Variants in MARCHF1 observed in about 807,000 individuals in gnomAD.
MARCHF1 encodes the protein E3 ubiquitin-protein ligase MARCHF1.
A neutral mutation model predicts 54.2 loss-of-function variants in MARCHF1; 40 were observed. The observed-to-expected ratio is 0.74, with a 90% CI of 0.57 to 0.96. MARCHF1 has a LOEUF of 0.96. Among genes scored for constraint, MARCHF1 ranks in the 40% least tolerant of loss-of-function variants. The pLI, the probability that MARCHF1 is intolerant of heterozygous loss-of-function variation, is 0.00. For missense variants in MARCHF1, 586 were observed against 656.5 expected, an observed-to-expected ratio of 0.89 and a Z score of 1.17; for synonymous variants, 236 against 236.3, an observed-to-expected ratio of 1.00 and a Z score of 0.01.
chr4:164,346,638 A>G (rs1455037752), intron 1 of MARCHF1, among the ~76,000 whole-genome samples: 543 of 30,160 alleles, frequency 0.018, 36 homozygotes, highest in African/African-American at 0.041. Flanking sequence ...ATATATATAT[A>G]TATATATATA....
intron 4 of MARCHF1, among the ~76,000 whole-genome samples, chr4:163,785,478 A>T (rs1428817687): frequency 1.3e-5 from 2 of 151,984 alleles, no homozygotes; most frequent in Non-Finnish European, 2.9e-5. Flanking sequence ...TTTTGTTCCC[A>T]TGTAGCCAGA....
At chr4:163,778,048 A>C (rs1747354511) in intron 4 of MARCHF1, among the ~76,000 whole-genome samples, 1 of 152,194 alleles carries the variant, frequency 6.6e-6, no homozygotes, top group South Asian at 2.1e-4. Context: ...TGTTCTTCCA[A>C]TTAACGTAGT....
At chr4:163,649,368 T>C (rs1221770506) in intron 5 of MARCHF1, among the ~76,000 whole-genome samples, 1 of 152,072 alleles carries the variant, frequency 6.6e-6, no homozygotes, top group African/African-American at 2.4e-5. Context: ...GAGCAATTCA[T>C]AGGCAGAGAG....
intron 7 of MARCHF1, among the ~76,000 whole-genome samples, chr4:163,595,454 T>C (rs1579095310): frequency 1.3e-5 from 1 of 79,470 alleles, no homozygotes; most frequent in South Asian, 4.0e-4. Context: ...GAGATTGCAG[T>C]TGCAGTGAGC....
intron 3 of MARCHF1, among the ~76,000 whole-genome samples, chr4:163,860,473 T>G (rs1402651110): frequency 1.3e-5 from 2 of 152,178 alleles, no homozygotes; most frequent in African/African-American, 4.8e-5. Context: ...GAAAATATCT[T>G]GCAGAGGTTT....
intron 1 of MARCHF1, among the ~76,000 whole-genome samples, chr4:164,239,955 A>G (rs1333569945): frequency 6.6e-6 from 1 of 152,214 alleles, no homozygotes; most frequent in African/African-American, 2.4e-5. Context: ...TACATGCTTA[A>G]GTAGAGTAAG....
intron 3 of MARCHF1, among the ~76,000 whole-genome samples, chr4:163,898,083 A>T (rs1324919497): frequency 7.0e-6 from 1 of 143,760 alleles, no homozygotes; most frequent in Non-Finnish European, 1.5e-5. Context: ...AAAAAAAAAA[A>T]AATCCTTGAA....
chr4:163,888,758 C>G (rs935221029), intron 3 of MARCHF1, among the ~76,000 whole-genome samples: 1 of 152,102 alleles, frequency 6.6e-6, no homozygotes, highest in Non-Finnish European at 1.5e-5. Flanking sequence ...ATCAAGACAA[C>G]CCCTCTGAAG....
intron 4 of MARCHF1, among the ~76,000 whole-genome samples, chr4:163,777,374 T>TA (rs2110890586): frequency 6.6e-6 from 1 of 152,316 alleles, no homozygotes; most frequent in South Asian, 2.1e-4. Context: ...TATCTATTTT[T>TA]ATCTCAGATG....
intron 4 of MARCHF1, among the ~76,000 whole-genome samples, chr4:163,844,840 A>T (rs1264490076): frequency 7.9e-5 from 12 of 152,212 alleles, no homozygotes; most frequent in Admixed American, 7.2e-4. Context: ...CTGGTGGTTG[A>T]TAATGGACTT....
intron 1 of MARCHF1, among the ~76,000 whole-genome samples, chr4:164,281,696 A>G (rs753737433): frequency 3.9e-5 from 6 of 152,166 alleles, no homozygotes; most frequent in Non-Finnish European, 8.8e-5. Flanking sequence ...AAGAACCTGA[A>G]TAACACATTA....
At chr4:164,301,007 C>T (rs1480118740) in intron 1 of MARCHF1, among the ~76,000 whole-genome samples, 1 of 36,328 alleles carries the variant, frequency 2.8e-5, no homozygotes, top group East Asian at 4.1e-3. Flanking sequence ...CACAAACACA[C>T]AGCATGTTTA....
At chr4:164,267,178 G>A (rs1288501140) in intron 1 of MARCHF1, among the ~76,000 whole-genome samples, 1 of 152,130 alleles carries the variant, frequency 6.6e-6, no homozygotes, top group Non-Finnish European at 1.5e-5. Context: ...CACATTTGAA[G>A]GCCTGAATAA....
chr4:163,879,993 T>C (rs936782674), intron 3 of MARCHF1, among the ~76,000 whole-genome samples: 22 of 152,244 alleles, frequency 1.4e-4, no homozygotes, highest in African/African-American at 4.8e-4. Flanking sequence ...CAGCTGCCCA[T>C]GATGGCTAAG....
At chr4:163,966,183 A>G (rs1752440386) in intron 3 of MARCHF1, among the ~76,000 whole-genome samples, 1 of 152,042 alleles carries the variant, frequency 6.6e-6, no homozygotes, top group South Asian at 2.1e-4. Flanking sequence ...CAATCTTACC[A>G]TTTATAAACT....
intron 3 of MARCHF1, among the ~76,000 whole-genome samples, chr4:163,957,201 T>C (rs1232463835): frequency 6.6e-6 from 1 of 152,068 alleles, no homozygotes; most frequent in African/African-American, 2.4e-5. Flanking sequence ...ACTGTGATAC[T>C]ACATTCTAAA....
intron 3 of MARCHF1, among the ~76,000 whole-genome samples, chr4:163,929,921 A>G (rs572166840): frequency 2.0e-3 from 211 of 103,186 alleles, no homozygotes; most frequent in Non-Finnish European, 3.4e-3. Flanking sequence ...TATATATAAT[A>G]TATATAATAT....
intron 1 of MARCHF1, among the ~76,000 whole-genome samples, chr4:164,334,008 G>C (rs751583775): frequency 2.6e-5 from 4 of 152,182 alleles, no homozygotes; most frequent in Non-Finnish European, 5.9e-5. Flanking sequence ...TCCAATTCAT[G>C]AAGGTTGAGA....
chr4:163,689,721 C>G (rs1441752901), intron 5 of MARCHF1, among the ~76,000 whole-genome samples: 2 of 151,764 alleles, frequency 1.3e-5, no homozygotes, highest in African/African-American at 4.8e-5. Flanking sequence ...GGACCAGACT[C>G]TTGGAGAAAG....
Sources: allele counts gnomAD v4.1 joint callset (sites outside exome capture counted in the v4.1 genomes callset), GRCh38; gene constraint gnomAD v4.1.1; transcripts MANE v1.5; gene names NCBI Gene and HGNC (gene_info 2026-07-23, HGNC 2026-07-21).